PRKCE: variants seen among roughly 807,000 people sequenced by gnomAD.
PRKCE encodes protein kinase C epsilon, also known as protein kinase C epsilon type.
A neutral mutation model predicts 85.4 loss-of-function variants in PRKCE; 16 were observed. The ratio of observed to expected loss-of-function variants is 0.19; its 90% CI spans 0.13 to 0.28. PRKCE has a LOEUF of 0.28. PRKCE is among the 10% of genes least tolerant of loss of function. The probability of loss-of-function intolerance (pLI) is 1.00; values close to 1 mark genes in which losing one functional copy is unlikely to be tolerated. For missense variants in PRKCE, 573 were observed against 975.2 expected (o/e 0.59, Z 5.49); for synonymous variants, 388 against 371.5 (o/e 1.04, Z -0.51).
intron 1 of PRKCE, among the ~76,000 whole-genome samples, chr2:45,760,561 G>A (rs1338936333): frequency 6.6e-6 from 1 of 152,222 alleles, no homozygotes; most frequent in Non-Finnish European, 1.5e-5. Flanking sequence ...ACACCAAGGC[G>A]TGACACGATG....
chr2:46,110,601 A>G (rs1240329646), intron 11 of PRKCE, among the ~76,000 whole-genome samples: 2 of 150,736 alleles, frequency 1.3e-5, no homozygotes, highest in Non-Finnish European at 3.0e-5. Flanking sequence ...TAGCCTGGCT[A>G]TAGTCTTGTC....
chr2:45,938,574 A>G (rs1573951527), intron 2 of PRKCE, among the ~76,000 whole-genome samples: 2 of 152,074 alleles, frequency 1.3e-5, no homozygotes, highest in South Asian at 2.1e-4. Context: ...TGCAGCAGCT[A>G]TTTATTCAGT....
chr2:45,719,801 T>C (rs1284784043), intron 1 of PRKCE, among the ~76,000 whole-genome samples: 4 of 152,180 alleles, frequency 2.6e-5, no homozygotes, highest in Admixed American at 6.5e-5. Flanking sequence ...GGCTCTTGCC[T>C]GTAATCCTAG....
At chr2:46,093,859 T>C (rs1212154148) in intron 11 of PRKCE, among the ~76,000 whole-genome samples, 1 of 152,324 alleles carries the variant, frequency 6.6e-6, no homozygotes, top group East Asian at 1.9e-4. Context: ...TTTACTGTAA[T>C]TTTGGTTAAA....
At chr2:46,172,049 C>T (rs969935254) in intron 14 of PRKCE, among the ~76,000 whole-genome samples, 16 of 152,220 alleles carry the variant, frequency 1.1e-4, no homozygotes, top group African/African-American at 3.1e-4. Flanking sequence ...GGAATGGTTT[C>T]AGAGCTCACG....
chr2:45,887,014 T>G (rs1695352966), intron 2 of PRKCE, among the ~76,000 whole-genome samples: 2 of 152,208 alleles, frequency 1.3e-5, no homozygotes, highest in South Asian at 4.1e-4. Context: ...AGAGTTTAAG[T>G]AATATGGCCT....
At chr2:45,824,248 A>T (rs1017101154) in intron 1 of PRKCE, among the ~76,000 whole-genome samples, 19 of 152,242 alleles carry the variant, frequency 1.2e-4, no homozygotes, top group African/African-American at 4.3e-4. Flanking sequence ...CCAATCATCT[A>T]AGGTAAACAG....
chr2:45,972,484 G>T (rs1041811092), intron 2 of PRKCE, among the ~76,000 whole-genome samples: 7 of 152,116 alleles, frequency 4.6e-5, no homozygotes, highest in African/African-American at 1.7e-4. Flanking sequence ...AGTCCAACTT[G>T]TTTATTTTTG....
At chr2:46,039,350 C>G (rs956832073) in intron 10 of PRKCE, among the ~76,000 whole-genome samples, 5 of 152,186 alleles carry the variant, frequency 3.3e-5, no homozygotes, top group South Asian at 2.1e-4. Flanking sequence ...AGCTTGGAAG[C>G]CAGCTGTCAG....
intron 11 of PRKCE, among the ~76,000 whole-genome samples, chr2:46,112,411 T>C (rs1310968667): frequency 2.0e-5 from 3 of 152,236 alleles, no homozygotes; most frequent in Non-Finnish European, 4.4e-5. Flanking sequence ...AATTGATGTA[T>C]TTAGACCATT....
intron 2 of PRKCE, among the ~76,000 whole-genome samples, chr2:45,931,563 C>A (rs2104054066): frequency 6.6e-6 from 1 of 152,356 alleles, no homozygotes; most frequent in South Asian, 2.1e-4. Context: ...TCCATTGGGG[C>A]TTAACTTCCC....
chr2:46,053,160 C>T (rs1708960332), intron 10 of PRKCE, among the ~76,000 whole-genome samples: 2 of 152,202 alleles, frequency 1.3e-5, no homozygotes, highest in East Asian at 1.9e-4. Flanking sequence ...ACCACATAAA[C>T]ATGGGGAGAA....
Position 46,001,712 on chromosome 2 carries a change from T to C in PRKCE, c.966+166T>C, listed in dbSNP as rs1704696557. On this transcript the variant is annotated intron_variant, in intron 7 of 14. Coordinates refer to ENST00000306156, the MANE Select transcript of PRKCE (RefSeq NM_005400.3). The surrounding 1 kb of genome is among the most constrained non-coding windows in gnomAD (Gnocchi z 4.4). Reference sequence around the variant, plus strand: ...AAAACAAAGATAGAAGCCAGGCAGGTAACATTAATGTCTTCTTGAGCTCCA... The same window carrying C: ...AAAACAAAGATAGAAGCCAGGCAGGCAACATTAATGTCTTCTTGAGCTCCA... 6.6e-6 allele frequency among the ~76,000 whole-genome samples: 1 copy of C among 152,168 alleles called. No homozygotes were observed. The highest frequency in any genetic ancestry group is 2.4e-5 in the African/African-American group (1 of 41,444).
At chr2:46,039,844 G>GA (rs1708117073) in intron 10 of PRKCE, among the ~76,000 whole-genome samples, 1 of 152,138 alleles carries the variant, frequency 6.6e-6, no homozygotes, top group Non-Finnish European at 1.5e-5. Context: ...CCAGGAGGGG[G>GA]ATATTTGGGT....
rs181980903 is a variant in PRKCE at position 45,960,793 on chromosome 2, C to T, written c.413-15636C>T. 1.1e-4 allele frequency among the ~76,000 whole-genome samples: 17 copies of T among 152,326 alleles called. No individual in the cohort carries two copies. In the East Asian group the frequency reaches 3.3e-3, roughly 29 times the overall value. On this transcript the variant is annotated intron_variant, in intron 2 of 14. Transcript: ENST00000306156. ...ATGCCAAGCACCCATCAGCCTTTGACTGAAAAATTCCCCAAATTTAGCTCC... is the reference window on the plus strand; with the variant it reads ...ATGCCAAGCACCCATCAGCCTTTGATTGAAAAATTCCCCAAATTTAGCTCC...
intron 1 of PRKCE, among the ~76,000 whole-genome samples, chr2:45,825,730 T>TA (rs148179203): frequency 3.3e-5 from 5 of 151,702 alleles, no homozygotes; most frequent in South Asian, 2.1e-4. Flanking sequence ...CAAAGTATGT[T>TA]AAAAAAAATT....
intron 6 of PRKCE, among the ~76,000 whole-genome samples, chr2:45,987,137 A>G (rs1703392770): frequency 6.6e-6 from 1 of 152,108 alleles, no homozygotes; most frequent in South Asian, 2.1e-4. Context: ...AGACACCCAG[A>G]CATCACTGTG....
Position 45,719,117 on chromosome 2 carries a change from C to T in PRKCE, c.348+66669C>T, listed in dbSNP as rs868280014. On this transcript the variant is annotated intron_variant, in intron 1 of 14. Transcript: ENST00000306156. Reference sequence around the variant, plus strand: ...AGCAGCAGGTTGAGAAGGCTCGAGGCATCTATCCTTGCCACCTGTGGGCGG... The same window carrying T: ...AGCAGCAGGTTGAGAAGGCTCGAGGTATCTATCCTTGCCACCTGTGGGCGG... Among the ~76,000 whole-genome samples the T allele has an allele frequency of 3.3e-5, 5 of 152,358 alleles. No individual in the cohort carries two copies. The South Asian group carries it at 1.0e-3, about 32-fold the overall frequency.
At chr2:45,909,137 C>T (rs1449856566) in intron 2 of PRKCE, among the ~76,000 whole-genome samples, 1 of 152,178 alleles carries the variant, frequency 6.6e-6, no homozygotes, top group African/African-American at 2.4e-5. Context: ...TGCATTAAAT[C>T]CTGCATTTAT....
Sources: gnomAD v4.1 joint callset for allele counts (sites outside exome capture counted in the v4.1 genomes callset) on GRCh38, gnomAD v4.1.1 for gene constraint, Gnocchi (gnomAD v3.1) non-coding constraint, MANE v1.5 for transcripts, NCBI Gene and HGNC (gene_info 2026-07-23, HGNC 2026-07-21) for gene names.